The following ARHGAP26 variants were observed in gnomAD, a reference collection of about 807,000 sequenced individuals.
ARHGAP26 encodes Rho GTPase activating protein 26.
A neutral mutation model predicts 104.8 loss-of-function variants in ARHGAP26; 38 were observed. The ratio of observed to expected loss-of-function variants is 0.36; its 90% CI spans 0.28 to 0.48. ARHGAP26 has a LOEUF of 0.48. Ranked by LOEUF, ARHGAP26 falls within the 20% of genes least tolerant of loss-of-function variation. The pLI is 0.99. For synonymous variants in ARHGAP26, 341 were observed against 340.0 expected (o/e 1.00, Z -0.03); for missense variants, 704 against 947.9 (o/e 0.74, Z 3.38).
intron 1 of ARHGAP26, among the ~76,000 whole-genome samples, chr5:142,804,481 C>T (rs563137291): frequency 6.6e-6 from 1 of 152,040 alleles, no homozygotes; most frequent in African/African-American, 2.4e-5. Context: ...TAGGTTTGAA[C>T]AGATTTTATT....
chr5:143,134,317 A>G (rs1157444824), intron 19 of ARHGAP26, among the ~76,000 whole-genome samples: 1 of 152,334 alleles, frequency 6.6e-6, no homozygotes, highest in African/African-American at 2.4e-5. Context: ...AAGGGCTGCC[A>G]TTGAGGATTC....
chr5:143,011,303 C>CTTTTTTT (rs58841045), intron 11 of ARHGAP26, among the ~76,000 whole-genome samples: 6 of 110,970 alleles, frequency 5.4e-5, no homozygotes, highest in Admixed American at 1.1e-4. Context: ...TAAACCCCCG[C>CTTTTTTT]TTTTTTTTTT....
intron 1 of ARHGAP26, among the ~76,000 whole-genome samples, chr5:142,800,300 C>T (rs1430524085): frequency 6.6e-6 from 1 of 151,988 alleles, no homozygotes; most frequent in Non-Finnish European, 1.5e-5. Flanking sequence ...CTCCCCCTCT[C>T]TCTGTCTCTG....
At chr5:143,009,965 TC>T (rs1353109489) in intron 11 of ARHGAP26, among the ~76,000 whole-genome samples, 2 of 152,200 alleles carry the variant, frequency 1.3e-5, no homozygotes, top group African/African-American at 4.8e-5. Context: ...GTAGATGCTC[TC>T]AAGAGGCTTA....
Position 142,903,561 on chromosome 5 carries a change from A to G in ARHGAP26, c.724A>G (p.Thr242Ala), listed in dbSNP as rs544216711. The change falls in exon 8 of 23, where the codon ACT becomes GCT. Residue 242 changes from threonine to alanine, a missense_variant. This residue lies in a region of ARHGAP26 where 287 missense variants were observed against 438.8 expected (regional missense o/e 0.65). Coordinates refer to ENST00000645722, the MANE Select transcript of ARHGAP26 (RefSeq NM_001135608.3). ...IQNTRNRFEGTRSEVESLMKK... is the reference protein window; with the variant it reads ...IQNTRNRFEGARSEVESLMKK... ...CTAGACAAGAAATCGCTTTGAAGGC[A>G]CTAGATCAGAAGTGGAATCACTGAT... 13 of 1,613,534 alleles carry G rather than the reference A, an allele frequency of 8.1e-6. No individual in the cohort carries two copies. Among genetic ancestry groups the G allele is most frequent in the Middle Eastern group, 1.7e-4 (1 of 6,056 alleles).
At chr5:142,879,305 G>T in intron 3 of ARHGAP26, 69 bp from the exon 4 acceptor site, 1 of 1,416,388 alleles carries the variant, frequency 7.1e-7, no homozygotes, top group South Asian at 1.1e-5. Context: ...TCTCATGCTG[G>T]AGCTGCTGTA....
intron 1 of ARHGAP26, among the ~76,000 whole-genome samples, chr5:142,819,877 G>T (rs894934430): frequency 1.3e-5 from 2 of 151,992 alleles, no homozygotes; most frequent in South Asian, 2.1e-4. Context: ...AAGTTAAGAA[G>T]CCCTGACTGG....
At chr5:143,044,556 G>A (rs368491841) in intron 14 of ARHGAP26, among the ~76,000 whole-genome samples, 58 of 150,372 alleles carry the variant, frequency 3.9e-4, no homozygotes, top group African/African-American at 1.3e-3. Flanking sequence ...TGGATCCTGT[G>A]CGTATGTTGG....
At chr5:142,813,917 G>A (rs551090055) in intron 1 of ARHGAP26, among the ~76,000 whole-genome samples, 8 of 152,336 alleles carry the variant, frequency 5.3e-5, no homozygotes, top group African/African-American at 1.9e-4. Flanking sequence ...AGTTCCTCAG[G>A]TGGGCCTCTG....
At chr5:142,968,131 T>C (rs148585562) in intron 11 of ARHGAP26, among the ~76,000 whole-genome samples, 11 of 152,208 alleles carry the variant, frequency 7.2e-5, no homozygotes, top group African/African-American at 1.7e-4. Flanking sequence ...TCCCTTTTAT[T>C]ATTAGCTCAT....
chr5:142,969,022 C>T (rs773337112), intron 11 of ARHGAP26, among the ~76,000 whole-genome samples: 1 of 152,270 alleles, frequency 6.6e-6, no homozygotes, highest in Non-Finnish European at 1.5e-5. Flanking sequence ...GCCTTGACCT[C>T]CCAGGCTCAA....
At chr5:143,209,601 C>T (rs191941789) in intron 21 of ARHGAP26, among the ~76,000 whole-genome samples, 91 of 152,136 alleles carry the variant, frequency 6.0e-4, no homozygotes, top group African/African-American at 2.2e-3. Flanking sequence ...GACAACGTGA[C>T]AAAACCCCAT....
intron 12 of ARHGAP26, among the ~76,000 whole-genome samples, chr5:143,022,063 C>T (rs1780410429): frequency 6.8e-6 from 1 of 146,762 alleles, no homozygotes; most frequent in Admixed American, 6.9e-5. Context: ...TCTGAAATCC[C>T]CTGATTTTAT....
chr5:142,811,238 T>C (rs575219378), intron 1 of ARHGAP26, among the ~76,000 whole-genome samples: 1 of 152,154 alleles, frequency 6.6e-6, no homozygotes, highest in East Asian at 1.9e-4. Context: ...TGATCATCTA[T>C]AGGCACTGGC....
At chr5:143,117,534 A>T (rs1795633765) in intron 17 of ARHGAP26, among the ~76,000 whole-genome samples, 1 of 152,030 alleles carries the variant, frequency 6.6e-6, no homozygotes, top group African/African-American at 2.4e-5. Context: ...GAAAGGTGTA[A>T]CTCTTCCCAC....
chr5:142,817,362 G>A (rs1434462422), intron 1 of ARHGAP26, among the ~76,000 whole-genome samples: 1 of 152,216 alleles, frequency 6.6e-6, no homozygotes, highest in African/African-American at 2.4e-5. Flanking sequence ...GAGAGAAGAG[G>A]CTTGGGTAGA....
chr5:143,211,271 A>G lies in ARHGAP26; in HGVS notation c.2100-2726A>G, dbSNP rs143973142. 5.5e-3 allele frequency among the ~76,000 whole-genome samples: 836 copies of G among 152,276 alleles called. 11 individuals carry two copies. Among genetic ancestry groups the G allele is most frequent in the African/African-American group, 0.019 (808 of 41,554 alleles). On this transcript the variant is annotated intron_variant, in intron 21 of 22. Transcript: ENST00000645722. The stretch of plus-strand genomic sequence containing the variant: ...ACAACAAAAATTTTTTCATATATGT[A>G]TGTCCCATGCAATATTTGGGACATA...
chr5:142,993,384 T>C (rs1413083095), intron 11 of ARHGAP26, among the ~76,000 whole-genome samples: 1 of 152,050 alleles, frequency 6.6e-6, no homozygotes, highest in East Asian at 1.9e-4. Flanking sequence ...TTAGCCAGGA[T>C]GGTCTCGATC....
At chr5:143,215,365 G>C (rs1364846261) in intron 22 of ARHGAP26, among the ~76,000 whole-genome samples, 1 of 152,142 alleles carries the variant, frequency 6.6e-6, no homozygotes, top group Non-Finnish European at 1.5e-5. Flanking sequence ...TGATCTCAGG[G>C]GCAGAATTGT....
Sources: allele counts gnomAD v4.1 joint callset (sites outside exome capture counted in the v4.1 genomes callset), GRCh38; gene constraint gnomAD v4.1.1; regional missense constraint gnomAD v4.1.1; transcripts MANE v1.5; gene names NCBI Gene and HGNC (gene_info 2026-07-23, HGNC 2026-07-21).